The following UHRF1 variants were observed in gnomAD, a reference collection of about 807,000 sequenced individuals.
UHRF1 encodes the protein E3 ubiquitin-protein ligase UHRF1.
Under a neutral mutation model 96.5 loss-of-function variants are expected in UHRF1, and 9 were observed. That is an observed-to-expected ratio of 0.09 (90% CI 0.06 to 0.16). The LOEUF (loss-of-function observed/expected upper bound fraction) is 0.16, where lower values mean the gene tolerates loss of function less well. Among genes scored for constraint, UHRF1 ranks in the 10% least tolerant of loss-of-function variants. The probability of loss-of-function intolerance (pLI) is 1.00; values close to 1 mark genes in which losing one functional copy is unlikely to be tolerated. For synonymous variants in UHRF1, 455 were observed against 469.9 expected, an observed-to-expected ratio of 0.97 and a Z score of 0.41; for missense variants, 626 against 1,131.1, an observed-to-expected ratio of 0.55 and a Z score of 6.40.
intron 2 of UHRF1, among the ~76,000 whole-genome samples, chr19:4,911,852 G>T (rs1465251040): frequency 1.3e-5 from 2 of 152,076 alleles, no homozygotes; most frequent in Admixed American, 1.3e-4. Context: ...TGCTGGAGTT[G>T]GTTGGACCGT....
Position 4,947,131 on chromosome 19 carries a change from G to T in UHRF1, c.1437G>T (p.Thr479=). ...DVDHGNFFTY[T]GSGGRDLSGN... is the part of the protein sequence containing the mutation. Reference sequence around the variant, plus strand: ...ACCATGGGAATTTTTTCACATACACGGGTAGTGGTGGTCGAGATCTTTCCG... The same window carrying T: ...ACCATGGGAATTTTTTCACATACACTGGTAGTGGTGGTCGAGATCTTTCCG... Residue 479 remains threonine, a synonymous_variant, in exon 11 of 17, where the codon ACG becomes ACT. Coordinates refer to ENST00000650932, the MANE Select transcript of UHRF1 (RefSeq NM_001048201.3). 2 of 1,612,454 alleles carry T rather than the reference G, an allele frequency of 1.2e-6. No homozygotes were observed. Among genetic ancestry groups the T allele is most frequent in the Non-Finnish European group, 1.7e-6 (2 of 1,179,442 alleles).
intron 11 of UHRF1, among the ~76,000 whole-genome samples, chr19:4,948,760 T>A (rs1455397200): frequency 6.7e-6 from 1 of 150,090 alleles, no homozygotes; most frequent in African/African-American, 2.5e-5. Flanking sequence ...AATCATGCCA[T>A]TGCACTCTTG....
chr19:4,921,015 T>C (rs866547822), intron 2 of UHRF1, among the ~76,000 whole-genome samples: 1 of 151,800 alleles, frequency 6.6e-6, no homozygotes, highest in Non-Finnish European at 1.5e-5. Context: ...TCCCAGCTAC[T>C]CGGGAGGCTG....
At position 4,961,531 on chromosome 19, in the gene UHRF1, G is replaced by A. The variant is rs2033985922; in HGVS notation, c.*728G>A. 1 of 152,524 alleles carries A rather than the reference G, an allele frequency of 6.6e-6. No individual in the cohort carries two copies. Among genetic ancestry groups the A allele is most frequent in the East Asian group, 1.9e-4 (1 of 5,206 alleles). The allele number at this position is 152,524 out of a possible 1,614,324, so 9.4% of individuals were successfully genotyped here. A position where few individuals can be genotyped will look rare whatever the true frequency, so the allele number is the denominator to read the frequency against. On this transcript the variant is annotated 3_prime_UTR_variant, in exon 17 of 17. Transcript: ENST00000650932. The stretch of plus-strand genomic sequence containing the variant: ...CGTGTGACTGACGCTGTCCGACGAA[G>A]GCGGCCACGGACGGACGCCAGCACA...
At chr19:4,912,674 C>T (rs2032329310) in intron 2 of UHRF1, among the ~76,000 whole-genome samples, 1 of 152,156 alleles carries the variant, frequency 6.6e-6, no homozygotes, top group South Asian at 2.1e-4. Flanking sequence ...AAGTTGCAGA[C>T]ACCAGTCCAC....
intron 2 of UHRF1, among the ~76,000 whole-genome samples, chr19:4,927,105 G>A (rs1467455660): frequency 6.6e-6 from 1 of 151,796 alleles, no homozygotes; most frequent in Non-Finnish European, 1.5e-5. Flanking sequence ...AACAGGCCGG[G>A]TACTGTGGTT....
At chr19:4,912,257 G>GCCTGGCGCTCTCTTCCTCCCTCCT (rs1186669908) in intron 2 of UHRF1, among the ~76,000 whole-genome samples, 30 of 152,186 alleles carry the variant, frequency 2.0e-4, no homozygotes, top group African/African-American at 7.0e-4. Context: ...GAGGAGCTCC[G>GCCTGGCGCTCTCTTCCTCCCTCCT]CCTGGCGCTC....
intron 2 of UHRF1, 46 bp from the exon 3 acceptor site, chr19:4,929,176 T>C: frequency 6.3e-7 from 1 of 1,581,702 alleles, no homozygotes; most frequent in Non-Finnish European, 8.6e-7. Flanking sequence ...AGATGCCCAC[T>C]TGGCATTTGG....
intron 2 of UHRF1, 87 bp from the exon 3 acceptor site, chr19:4,929,135 A>G: frequency 6.7e-7 from 1 of 1,489,376 alleles, no homozygotes; most frequent in African/African-American, 1.4e-5. Context: ...AAGGGCTGGG[A>G]CACAGTGTTT....
At chr19:4,906,207 G>A (rs533476973), upstream of UHRF1, among the ~76,000 whole-genome samples, 7 of 152,062 alleles carry the variant, frequency 4.6e-5, no homozygotes, top group African/African-American at 1.4e-4. Context: ...TCAAACTCCC[G>A]GGCGCAAGAG....
At chr19:4,915,434 C>T (rs896656760) in intron 2 of UHRF1, among the ~76,000 whole-genome samples, 7 of 152,330 alleles carry the variant, frequency 4.6e-5, no homozygotes, top group South Asian at 2.1e-4. Context: ...ACAGGTATGG[C>T]GGGGCCCAGT....
At chr19:4,947,554 G>A (rs967530928) in intron 11 of UHRF1, among the ~76,000 whole-genome samples, 1 of 128,940 alleles carries the variant, frequency 7.8e-6, no homozygotes, top group Non-Finnish European at 1.5e-5. Flanking sequence ...AGGCTAGAGT[G>A]CAGTGGTGCA....
intron 2 of UHRF1, among the ~76,000 whole-genome samples, chr19:4,913,157 CAT>C (rs2032349575): frequency 6.6e-6 from 1 of 151,480 alleles, no homozygotes; most frequent in Non-Finnish European, 1.5e-5. Context: ...TCATTTGTAA[CAT>C]AATACTTGAG....
At chr19:4,927,405 T>A (rs894683428) in intron 2 of UHRF1, among the ~76,000 whole-genome samples, 8 of 132,710 alleles carry the variant, frequency 6.0e-5, no homozygotes, top group African/African-American at 2.1e-4. Context: ...AAAAAAAAAT[T>A]TTTTTCTGGA....
At chr19:4,939,934 G>C (rs1328061348) in intron 5 of UHRF1, among the ~76,000 whole-genome samples, 2 of 151,676 alleles carry the variant, frequency 1.3e-5, no homozygotes, top group African/African-American at 4.8e-5. Flanking sequence ...TGAGGCAGGA[G>C]AGTGGCGTGA....
chr19:4,926,575 C>A (rs566277130), intron 2 of UHRF1, among the ~76,000 whole-genome samples: 35 of 152,150 alleles, frequency 2.3e-4, no homozygotes, highest in Non-Finnish European at 4.3e-4. Context: ...GAGTTCAAAA[C>A]CAGCTTGGGC....
chr19:4,944,481 C>T (rs1420237542), intron 9 of UHRF1, 31 bp downstream of exon 9: 4 of 1,610,092 alleles, frequency 2.5e-6, no homozygotes, highest in South Asian at 1.1e-5. Flanking sequence ...CTCCAGGGGC[C>T]ACGCGGGCTC....
chr19:4,954,927 C>CG lies in UHRF1; in HGVS notation c.2130+105_2130+106insG. 3 of 1,377,924 alleles carry CG rather than the reference C, an allele frequency of 2.2e-6. No individual in the cohort carries two copies. The highest frequency in any genetic ancestry group is 3.0e-6 in the Non-Finnish European group (3 of 993,410). 85.4% of individuals were successfully genotyped at this position (1,377,924 alleles called of 1,614,324 possible). ...CATTTTCAAGTGTACAGCTCAGTCGCACTGAGTACATTCTTGTGGTTGTGC... is the reference window on the plus strand; with the variant it reads ...CATTTTCAAGTGTACAGCTCAGTCGCGACTGAGTACATTCTTGTGGTTGTGC... On this transcript the variant is annotated intron_variant, in intron 15 of 16. Coordinates refer to ENST00000650932, the MANE Select transcript of UHRF1 (RefSeq NM_001048201.3). The surrounding 1 kb of genome is among the most constrained non-coding windows in gnomAD (Gnocchi z 5.9).
intron 2 of UHRF1, among the ~76,000 whole-genome samples, chr19:4,928,117 A>G (rs1003069468): frequency 6.6e-6 from 1 of 151,982 alleles, no homozygotes; most frequent in Non-Finnish European, 1.5e-5. Context: ...CCCCCACCCC[A>G]TACCGTATGA....
Sources: allele counts gnomAD v4.1 joint callset (sites outside exome capture counted in the v4.1 genomes callset), GRCh38; gene constraint gnomAD v4.1.1; non-coding constraint Gnocchi (gnomAD v3.1); transcripts MANE v1.5; gene names NCBI Gene and HGNC (gene_info 2026-07-23, HGNC 2026-07-21).